Variants in CTSD observed in about 807,000 individuals in gnomAD.
CTSD encodes the protein cathepsin D.
A neutral mutation model predicts 43.6 loss-of-function variants in CTSD; 28 were observed. That is an observed-to-expected ratio of 0.64 (90% CI 0.48 to 0.88). CTSD has a LOEUF of 0.88. CTSD is among the 40% of genes least tolerant of loss of function. The pLI is 0.00. For synonymous variants in CTSD, 270 were observed against 249.8 expected, an observed-to-expected ratio of 1.08 and a Z score of -0.76; for missense variants, 485 against 555.2, an observed-to-expected ratio of 0.87 and a Z score of 1.27.
At chr11:1,754,205 C>T in intron 6 of CTSD, 67 bp from the exon 7 acceptor site, 1 of 1,547,780 alleles carries the variant, frequency 6.5e-7, no homozygotes, top group Non-Finnish European at 8.7e-7. Context: ...CAGTGCCCCT[C>T]CCTGGGAGCC....
At position 1,763,804 on chromosome 11, in the gene CTSD, G is replaced by T. The variant is rs1845913266; in HGVS notation, c.56C>A (p.Ser19Tyr). The T allele has an allele frequency of 6.6e-7, 1 of 1,526,396 alleles. No individual in the cohort carries two copies. The highest frequency in any genetic ancestry group is 8.7e-7 in the Non-Finnish European group (1 of 1,142,968). The allele number at this position is 1,526,396 out of a possible 1,614,324, so 94.6% of individuals were successfully genotyped here. A position where few individuals can be genotyped will look rare whatever the true frequency, so the allele number is the denominator to read the frequency against. ...CCTGAGGCTTCACCTGACGAGCGCGGAGGCGGGTGCAGCCAGCAGGCAGAG... is the reference window on the plus strand; with the variant it reads ...CCTGAGGCTTCACCTGACGAGCGCGTAGGCGGGTGCAGCCAGCAGGCAGAG... ...LALCLLAAPA[S>Y]ALVRIPLHKF... Residue 19 changes from serine to tyrosine, a missense_variant, in exon 1 of 9, where the codon TCC becomes TAC. Ser to Tyr is a moderately radical substitution (Grantham distance 144). Transcript: ENST00000236671.
chr11:1,763,856 G>A lies in CTSD; in HGVS notation c.4C>T (p.Gln2Ter), dbSNP rs1355247629. 1 of 1,524,018 alleles carries A rather than the reference G, an allele frequency of 6.6e-7. No individual in the cohort carries two copies. The allele number at this position is 1,524,018 out of a possible 1,614,324, so 94.4% of individuals were successfully genotyped here. A position where few individuals can be genotyped will look rare whatever the true frequency, so the allele number is the denominator to read the frequency against. M[Q>*]PSSLLPLALC... is the part of the protein sequence containing the mutation. Reference sequence around the variant, plus strand: ...GCGAGCGGCAGAAGGCTGGAGGGCTGCATGGCGGCGGCGGCCGGGTCGGAG... The same window carrying A: ...GCGAGCGGCAGAAGGCTGGAGGGCTACATGGCGGCGGCGGCCGGGTCGGAG... The change falls in exon 1 of 9, where the codon CAG (glutamine) becomes TAG (stop). Residue 2 changes from glutamine to a stop codon, truncating the protein, a stop_gained. Coordinates refer to ENST00000236671, the MANE Select transcript of CTSD (RefSeq NM_001909.5). LOFTEE classifies it high-confidence loss of function.
intron 6 of CTSD, among the ~76,000 whole-genome samples, chr11:1,754,545 ATGGAGGGGATGGAGGG>A (rs1845782027): frequency 2.1e-5 from 1 of 46,860 alleles, no homozygotes; most frequent in African/African-American, 8.5e-5. Context: ...GGATGGAGGG[ATGGAGGGGATGGAGGG>A]ATGGAGGAGA....
chr11:1,754,046 T>C lies in CTSD; in HGVS notation c.920A>G (p.Glu307Gly). ...GATGGCCTTCTGCAGCTCGCGCACC[T>C]CATCCACCGGGCCCACCATGAGGGA... is the stretch of plus-strand genomic sequence containing the variant. ...GTSLMVGPVD[E>G]VRELQKAIGA... The change falls in exon 7 of 9, where the codon GAG (glutamate) becomes GGG (glycine). Residue 307 changes from glutamate to glycine, a missense_variant. Transcript: ENST00000236671. 1.9e-6 allele frequency: 3 copies of C among 1,589,920 alleles called. No homozygotes were observed. The highest frequency in any genetic ancestry group is 2.6e-6 in the Non-Finnish European group (3 of 1,166,838).
At chr11:1,761,153 G>A (rs982505680) in intron 2 of CTSD, 156 bp downstream of exon 2, 3 of 761,550 alleles carry the variant, frequency 3.9e-6, no homozygotes, top group South Asian at 3.0e-5. Context: ...CCAGAATGGG[G>A]AAGAAAGGAG....
In CTSD at chr11:1,753,875, G is replaced by T. The variant is rs755867394; in HGVS notation, c.999C>A (p.Ser333=). 7 of 1,613,450 alleles carry T rather than the reference G, an allele frequency of 4.3e-6. No individual in the cohort carries two copies. The highest frequency in any genetic ancestry group is 5.9e-6 in the Non-Finnish European group (7 of 1,179,684). ...GEYMIPCEKV[S]TLPAITLKLG... is the part of the protein sequence containing the mutation. ...GCTTCAGTGTGATCGCGGGCAGGGT[G>T]GACACCTTCTCACAGGGGATCATGT... The change falls in exon 8 of 9, where the codon TCC becomes TCA. Residue 333 remains serine, a synonymous_variant. Coordinates refer to ENST00000236671, the MANE Select transcript of CTSD (RefSeq NM_001909.5).
intron 1 of CTSD, 97 bp from the exon 2 acceptor site, chr11:1,761,565 TCA>T (rs1845878450): frequency 3.6e-6 from 5 of 1,398,634 alleles, no homozygotes; most frequent in South Asian, 1.2e-5. Flanking sequence ...CTGGGGAATC[TCA>T]GAGTCGCCAC....
At chr11:1,756,419 G>C (rs924017092) in intron 5 of CTSD, among the ~76,000 whole-genome samples, 1 of 152,212 alleles carries the variant, frequency 6.6e-6, no homozygotes, top group Non-Finnish European at 1.5e-5. Flanking sequence ...AAGAGGCCCA[G>C]CCAGCCCTAC....
intron 1 of CTSD, chr11:1,763,562 G>A: frequency 1.9e-6 from 1 of 514,872 alleles, no homozygotes; most frequent in Non-Finnish European, 3.4e-6. Context: ...GGCATATGGG[G>A]GAGAGGCATC....
rs72850954 is a variant in CTSD, at chr11:1,755,194, C to T, written c.705-166G>A. 4.9e-3 allele frequency: 3,926 copies of T among 803,350 alleles called. 23 individuals are homozygous for T. Among genetic ancestry groups the T allele is most frequent in the Non-Finnish European group, 7.3e-3 (3,524 of 481,076 alleles). 49.8% of individuals were successfully genotyped at this position (803,350 alleles called of 1,614,324 possible). A position where few individuals can be genotyped will look rare whatever the true frequency, so the allele number is the denominator to read the frequency against. On this transcript the variant is annotated intron_variant, in intron 5 of 8. Coordinates refer to ENST00000236671, the MANE Select transcript of CTSD (RefSeq NM_001909.5). ...CCCAGAAGGCAGGAGGAGGGACAGA[C>T]TCCCTTCTTCCCGGGGTAGGGCTGC...
intron 5 of CTSD, 109 bp downstream of exon 5, chr11:1,757,215 C>T (rs1845820317): frequency 3.1e-6 from 3 of 957,456 alleles, no homozygotes; most frequent in Non-Finnish European, 4.9e-6. Context: ...GGAGCTCTGG[C>T]ACAGCAGCAG....
chr11:1,762,131 A>C, intron 1 of CTSD: 1 of 161,508 alleles, frequency 6.2e-6, no homozygotes, highest in Non-Finnish European at 1.4e-5. Flanking sequence ...GGGCATCCGC[A>C]CCTCTCCTCA....
intron 1 of CTSD, 47 bp downstream of exon 1, chr11:1,763,745 C>T: frequency 6.7e-7 from 1 of 1,490,000 alleles, no homozygotes; most frequent in Non-Finnish European, 8.9e-7. Flanking sequence ...GGGACCTCGG[C>T]GCCGCGACCC....
chr11:1,763,484 C>T (rs971674890), intron 1 of CTSD: 1 of 393,574 alleles, frequency 2.5e-6, no homozygotes, highest in Admixed American at 4.8e-5. Flanking sequence ...AGCACTACCT[C>T]CCCCCGCCCC....
rs752646929 is a variant in CTSD, at chr11:1,757,353, G to A, written c.675C>T (p.Asp225=). 2.5e-6 allele frequency: 4 copies of A among 1,614,042 alleles called. No homozygotes were observed. In the East Asian group the frequency reaches 6.7e-5, roughly 27 times the overall value. ...TCAGGTAGAAGGAGAAGATGTTCTGGTCCACCAGCTTCTGCTGCATCAGGT... is the reference window on the plus strand; with the variant it reads ...TCAGGTAGAAGGAGAAGATGTTCTGATCCACCAGCTTCTGCTGCATCAGGT... ...FDNLMQQKLV[D]QNIFSFYLSR... Residue 225 remains aspartate, a synonymous_variant, in exon 5 of 9, where the codon GAC becomes GAT. Coordinates refer to ENST00000236671, the MANE Select transcript of CTSD (RefSeq NM_001909.5).
chr11:1,754,626 T>C (rs1845786406), intron 6 of CTSD, among the ~76,000 whole-genome samples: 1 of 104,912 alleles, frequency 9.5e-6, no homozygotes, highest in East Asian at 3.0e-4. Context: ...ATGGAGGGCA[T>C]GGAGGGATGG....
Position 1,755,277 on chromosome 11 carries a change from G to A in CTSD, c.705-249C>T. On this transcript the variant is annotated intron_variant, in intron 5 of 8. Coordinates refer to ENST00000236671, the MANE Select transcript of CTSD (RefSeq NM_001909.5). ...TTTCCTCAACCCTCAGGTTCTCCTG[G>A]TCTGCTCAGGAGCCAAGGTTCAGCC... The A allele has an allele frequency of 1.3e-5, 7 of 554,856 alleles. 1 individual carries two copies. The South Asian group carries it at 1.3e-4, about 11-fold the overall frequency. The allele number at this position is 554,856 out of a possible 1,614,324, so 34.4% of individuals were successfully genotyped here. A position where few individuals can be genotyped will look rare whatever the true frequency, so the allele number is the denominator to read the frequency against.
In CTSD at chr11:1,753,909, G is replaced by T. The variant is rs886048064; in HGVS notation, c.973-8C>A. 1 of 1,612,926 alleles carries T rather than the reference G, an allele frequency of 6.2e-7. No individual in the cohort carries two copies. Among genetic ancestry groups the T allele is most frequent in the Admixed American group, 1.7e-5 (1 of 59,976 alleles). ...CTCACAGGGGATCATGTACTAAGAG[G>T]GGTCACAGCAGTGTCAGGGTGGTAG... On this transcript the variant is annotated splice_region_variant and splice_polypyrimidine_tract_variant and intron_variant, in intron 7 of 8. Coordinates refer to ENST00000236671, the MANE Select transcript of CTSD (RefSeq NM_001909.5).
At position 1,757,315 on chromosome 11, in the gene CTSD, C is replaced by A; in HGVS notation, c.704+9G>T. ...GCAACGCGGAGCGAGAGGGAACCCA[C>A]ACGCCCACCTGCTCAGGTAGAAGGA... On this transcript the variant is annotated intron_variant, in intron 5 of 8. Transcript: ENST00000236671. 9.9e-6 allele frequency: 16 copies of A among 1,611,262 alleles called. No individual in the cohort carries two copies. The highest frequency in any genetic ancestry group is 1.3e-5 in the Non-Finnish European group (15 of 1,178,172).
Sources: gnomAD v4.1 joint callset for allele counts (sites outside exome capture counted in the v4.1 genomes callset) on GRCh38, gnomAD v4.1.1 for gene constraint, MANE v1.5 for transcripts, NCBI Gene and HGNC (gene_info 2026-07-23, HGNC 2026-07-21) for gene names.